Variants in KCNT2 observed in about 807,000 individuals in gnomAD.
The protein encoded by KCNT2 is potassium sodium-activated channel subfamily T member 2.
KCNT2 carries 67 observed loss-of-function variants against 153.8 expected under a neutral mutation model. The observed-to-expected ratio is 0.44, with a 90% CI of 0.36 to 0.53. The LOEUF is 0.53. Ranked by LOEUF, KCNT2 falls within the 20% of genes least tolerant of loss-of-function variation. KCNT2 has a pLI of 0.00. For missense variants in KCNT2, 975 were observed against 1,354.8 expected, an observed-to-expected ratio of 0.72 and a Z score of 4.40; for synonymous variants, 500 against 458.8, an observed-to-expected ratio of 1.09 and a Z score of -1.15.
chr1:196,358,813 C>A (rs1667384417), intron 14 of KCNT2, among the ~76,000 whole-genome samples: 1 of 151,928 alleles, frequency 6.6e-6, no homozygotes, highest in Admixed American at 6.6e-5. Context: ...TTTCTCTCAT[C>A]TCATCCTGCA....
rs182431748 is a variant in KCNT2 at position 196,316,476 on chromosome 1, A to G, written c.2349-450T>C. Among the ~76,000 whole-genome samples, 266 of 151,882 alleles carry G rather than the reference A, an allele frequency of 1.8e-3. 10 individuals are homozygous for G. The highest frequency in any genetic ancestry group is 0.014 in the Admixed American group (220 of 15,198). On this transcript the variant is annotated intron_variant, in intron 20 of 27. Coordinates refer to ENST00000294725, the MANE Select transcript of KCNT2 (RefSeq NM_198503.5). The stretch of plus-strand genomic sequence containing the variant: ...TTAATTTAGATGGTCAAGCTTAACG[A>G]AAAAATACAAAACTATGAAATGTTT...
intron 13 of KCNT2, 40 bp downstream of exon 13, chr1:196,398,523 T>C: frequency 8.9e-7 from 1 of 1,123,182 alleles, no homozygotes; most frequent in South Asian, 1.3e-5. Context: ...TATAGGAGTT[T>C]CAGGAAATTC....
At chr1:196,277,551 G>C (rs1156418198) in intron 25 of KCNT2, among the ~76,000 whole-genome samples, 4 of 152,156 alleles carry the variant, frequency 2.6e-5, no homozygotes, top group Non-Finnish European at 5.9e-5. Flanking sequence ...TATATGGAGA[G>C]ACTGACAGCA....
chr1:196,535,643 G>A (rs1306214519), intron 1 of KCNT2, among the ~76,000 whole-genome samples: 1 of 152,158 alleles, frequency 6.6e-6, no homozygotes, highest in Non-Finnish European at 1.5e-5. Context: ...TGAGGTCTGA[G>A]GAGAGTTGGT....
intron 25 of KCNT2, among the ~76,000 whole-genome samples, chr1:196,279,476 G>A (rs1202336302): frequency 6.6e-6 from 1 of 151,982 alleles, no homozygotes; most frequent in Non-Finnish European, 1.5e-5. Flanking sequence ...AGGCTGGAGT[G>A]CAGTGGCGTG....
chr1:196,436,193 GT>G (rs1003682849), intron 8 of KCNT2, among the ~76,000 whole-genome samples: 1 of 151,488 alleles, frequency 6.6e-6, no homozygotes, highest in African/African-American at 2.4e-5. Flanking sequence ...GGAAAACATT[GT>G]TTAATTGCAT....
At chr1:196,426,023 A>T (rs1316029452) in intron 10 of KCNT2, 35 bp from the exon 11 acceptor site, 2 of 1,577,692 alleles carry the variant, frequency 1.3e-6, no homozygotes, top group African/African-American at 2.7e-5. Flanking sequence ...GAATAGAAAC[A>T]AAAATGTTTT....
chr1:196,363,681 C>T (rs1404960324), intron 14 of KCNT2, among the ~76,000 whole-genome samples: 2 of 152,122 alleles, frequency 1.3e-5, no homozygotes, highest in African/African-American at 4.8e-5. Flanking sequence ...CTTCTGCCTT[C>T]TGCCATGGGA....
At chr1:196,337,157 A>C (rs1572085532) in intron 16 of KCNT2, among the ~76,000 whole-genome samples, 2 of 141,654 alleles carry the variant, frequency 1.4e-5, no homozygotes, top group Non-Finnish European at 3.1e-5. Context: ...TCTTCCCTTC[A>C]CCCCCGCAAA....
intron 8 of KCNT2, among the ~76,000 whole-genome samples, chr1:196,451,434 G>GTT (rs1557952237): frequency 9.6e-6 from 1 of 103,818 alleles, no homozygotes; most frequent in Non-Finnish European, 1.9e-5. Context: ...TTTTTTTTTG[G>GTT]ATTTTAGTAG....
chr1:196,265,523 G>T (rs541967296), intron 25 of KCNT2, among the ~76,000 whole-genome samples: 1 of 152,262 alleles, frequency 6.6e-6, no homozygotes, highest in Admixed American at 6.5e-5. Context: ...AGGCACAGGG[G>T]AATAATTCCT....
intron 22 of KCNT2, among the ~76,000 whole-genome samples, chr1:196,298,984 T>A (rs1236472692): frequency 2.0e-5 from 3 of 151,876 alleles, no homozygotes; most frequent in Non-Finnish European, 4.4e-5. Flanking sequence ...ATCACATGAT[T>A]GTATATTGTG....
chr1:196,283,430 A>C (rs1659315476), intron 23 of KCNT2, among the ~76,000 whole-genome samples: 1 of 152,078 alleles, frequency 6.6e-6, no homozygotes, highest in Non-Finnish European at 1.5e-5. Flanking sequence ...GCAAGACTCC[A>C]TCTCAAAACA....
At chr1:196,433,447 C>T (rs1485983078) in intron 8 of KCNT2, among the ~76,000 whole-genome samples, 1 of 151,864 alleles carries the variant, frequency 6.6e-6, no homozygotes, top group African/African-American at 2.4e-5. Context: ...TTAGTGGTTG[C>T]CTGGGACTGA....
rs973715354 is a variant in KCNT2, at chr1:196,406,611, A to G, written c.1186-7940T>C. On this transcript the variant is annotated intron_variant, in intron 12 of 27. Transcript: ENST00000294725. ...CAAAGTCAAAAAAAAAAAAAAAATT[A>G]AAAGAAGACTTGGTCTAGCATTCTG... Among the ~76,000 whole-genome samples, 7 of 151,238 alleles carry G rather than the reference A, an allele frequency of 4.6e-5. No homozygotes were observed. The South Asian group carries it at 1.5e-3, about 31-fold the overall frequency.
intron 15 of KCNT2, among the ~76,000 whole-genome samples, chr1:196,341,135 C>T (rs949067457): frequency 6.6e-6 from 1 of 151,746 alleles, no homozygotes; most frequent in African/African-American, 2.4e-5. Flanking sequence ...CCTGATAAAC[C>T]CAGCATAAGT....
intron 13 of KCNT2, among the ~76,000 whole-genome samples, chr1:196,394,068 C>A (rs904507962): frequency 6.6e-6 from 1 of 151,138 alleles, no homozygotes; most frequent in African/African-American, 2.4e-5. Flanking sequence ...GAATTTTGAA[C>A]CATAAAAGGT....
chr1:196,488,394 A>G (rs901350131), intron 3 of KCNT2, among the ~76,000 whole-genome samples: 1 of 151,954 alleles, frequency 6.6e-6, no homozygotes, highest in African/African-American at 2.4e-5. Flanking sequence ...CTGTAATCTG[A>G]TTTTTCAAAT....
chr1:196,442,073 G>A lies in KCNT2; in HGVS notation c.639-12316C>T, dbSNP rs575208682. ...CAAGAAAAATCATCACTTTCGTCTG[G>A]AAACTCCAATTCTATGAAACTCCAA... On this transcript the variant is annotated intron_variant, in intron 8 of 27. Coordinates refer to ENST00000294725, the MANE Select transcript of KCNT2 (RefSeq NM_198503.5). Among the ~76,000 whole-genome samples, 13 of 151,774 alleles carry A rather than the reference G, an allele frequency of 8.6e-5. No homozygotes were observed. In the South Asian group the frequency reaches 2.5e-3, roughly 29 times the overall value.
Sources: allele counts gnomAD v4.1 joint callset (sites outside exome capture counted in the v4.1 genomes callset), GRCh38; gene constraint gnomAD v4.1.1; transcripts MANE v1.5; gene names NCBI Gene and HGNC (gene_info 2026-07-23, HGNC 2026-07-21).